The following KCNH8 variants were observed in gnomAD, a reference collection of about 807,000 sequenced individuals.
The protein encoded by KCNH8 is potassium voltage-gated channel subfamily H member 8.
Under a neutral mutation model 103.6 loss-of-function variants are expected in KCNH8, and 70 were observed. That is an observed-to-expected ratio of 0.68 (90% CI 0.56 to 0.82). KCNH8 has a LOEUF of 0.82. Ranked by LOEUF, KCNH8 falls within the 40% of genes least tolerant of loss-of-function variation. The pLI is 0.00. For synonymous variants in KCNH8, 498 were observed against 489.4 expected (o/e 1.02, Z -0.23); for missense variants, 1,217 against 1,329.9 (o/e 0.92, Z 1.32).
intron 1 of KCNH8, among the ~76,000 whole-genome samples, chr3:19,240,336 G>A (rs2064122077): frequency 6.6e-6 from 1 of 152,156 alleles, no homozygotes; most frequent in Non-Finnish European, 1.5e-5. Flanking sequence ...AATTAGGCCA[G>A]GCGCAGTGGC....
chr3:19,340,322 CAT>C lies in KCNH8; in HGVS notation c.443-2263_443-2262del, dbSNP rs1379117574. 1.6e-4 allele frequency among the ~76,000 whole-genome samples: 24 copies of C among 150,126 alleles called. No homozygotes were observed. In the South Asian group the frequency reaches 2.9e-3, roughly 18 times the overall value. ...TTTTTGTATTTTGCAATAATTGTGA[CAT>C]AGATTCAATTTATTTTTTTTATTTT... is the stretch of plus-strand genomic sequence containing the variant. On this transcript the variant is annotated intron_variant, in intron 3 of 15. Transcript: ENST00000328405.
intron 1 of KCNH8, among the ~76,000 whole-genome samples, chr3:19,162,411 G>A (rs1307381422): frequency 1.3e-5 from 2 of 151,152 alleles, no homozygotes; most frequent in Non-Finnish European, 2.9e-5. Context: ...TGTGGCTGAC[G>A]CATGGGAATC....
At chr3:19,382,511 A>G (rs887895762) in intron 5 of KCNH8, among the ~76,000 whole-genome samples, 1 of 152,196 alleles carries the variant, frequency 6.6e-6, no homozygotes, top group Non-Finnish European at 1.5e-5. Context: ...TATTACTTTG[A>G]TGATCATTAT....
intron 15 of KCNH8, 130 bp from the exon 16 acceptor site, chr3:19,533,265 T>A: frequency 2.5e-5 from 15 of 591,810 alleles, no homozygotes; most frequent in South Asian, 7.9e-5. Flanking sequence ...AATGCTAAAA[T>A]GTTTAAGAAT....
At chr3:19,317,125 G>C (rs1253446951) in intron 3 of KCNH8, among the ~76,000 whole-genome samples, 1 of 151,672 alleles carries the variant, frequency 6.6e-6, no homozygotes, top group East Asian at 1.9e-4. Flanking sequence ...TAAGCAAAAG[G>C]GGGTCCCAGA....
At chr3:19,216,636 A>G (rs1219380700) in intron 1 of KCNH8, among the ~76,000 whole-genome samples, 2 of 152,130 alleles carry the variant, frequency 1.3e-5, no homozygotes, top group East Asian at 1.9e-4. Flanking sequence ...TGCCACCTTT[A>G]TTTATGTGAT....
At position 19,348,869 on chromosome 3, in the gene KCNH8, A is replaced by G. The variant is rs569584167; in HGVS notation, c.811+904A>G. Among the ~76,000 whole-genome samples the G allele has an allele frequency of 2.0e-5, 3 of 151,732 alleles. No homozygotes were observed. In the South Asian group the frequency reaches 6.3e-4, roughly 32 times the overall value. ...AATAAATAATTAAGTGAGGCACATC[A>G]AAACCTTGGTTCAATGGTGGTAGTA... On this transcript the variant is annotated intron_variant, in intron 5 of 15. Transcript: ENST00000328405.
intron 15 of KCNH8, among the ~76,000 whole-genome samples, chr3:19,528,991 G>A (rs79019851): frequency 0.019 from 2,940 of 152,164 alleles, 106 homozygotes; most frequent in African/African-American, 0.067. Context: ...AAAGAAGTTT[G>A]AAGGAGAAGA....
chr3:19,349,323 G>A (rs1007629128), intron 5 of KCNH8, among the ~76,000 whole-genome samples: 9 of 151,874 alleles, frequency 5.9e-5, no homozygotes, highest in Non-Finnish European at 4.4e-5. Context: ...CTGTGGTTTT[G>A]TATCCTTTTA....
chr3:19,331,706 A>T (rs2065512505), intron 3 of KCNH8, among the ~76,000 whole-genome samples: 1 of 152,184 alleles, frequency 6.6e-6, no homozygotes. Context: ...TGGAGTATCC[A>T]TCCCCTCAAG....
chr3:19,305,706 A>G (rs946776973), intron 3 of KCNH8, among the ~76,000 whole-genome samples: 3 of 152,166 alleles, frequency 2.0e-5, no homozygotes, highest in Admixed American at 6.6e-5. Context: ...AAAAAAATCC[A>G]GAGAATTGTT....
chr3:19,390,540 G>A lies in KCNH8; in HGVS notation c.871G>A (p.Ala291Thr). The change falls in exon 6 of 16, where the codon GCA (alanine) becomes ACA (threonine). Residue 291 changes from alanine to threonine, a missense_variant. Coordinates refer to ENST00000328405, the MANE Select transcript of KCNH8 (RefSeq NM_144633.3). ...VSKSGQVIFE[A>T]RSICIHYVTT... ...CAAGTCTGGCCAAGTTATCTTTGAA[G>A]CAAGATCAATTTGCATCCACTATGT... is the stretch of plus-strand genomic sequence containing the variant. The A allele has an allele frequency of 6.2e-7, 1 of 1,613,092 alleles. No homozygotes were observed. The highest frequency in any genetic ancestry group is 8.5e-7 in the Non-Finnish European group (1 of 1,179,370).
chr3:19,336,807 G>A (rs2065590674), intron 3 of KCNH8, among the ~76,000 whole-genome samples: 1 of 151,838 alleles, frequency 6.6e-6, no homozygotes, highest in Admixed American at 6.6e-5. Context: ...ATTTAAATGG[G>A]AACAAGTGCT....
chr3:19,331,414 CCAGAGTAGCTGGGCCTA>C (rs1687765219), intron 3 of KCNH8, among the ~76,000 whole-genome samples: 1 of 151,946 alleles, frequency 6.6e-6, no homozygotes, highest in Admixed American at 6.6e-5. Context: ...GCCTCAGCCT[CCAGAGTAGCTGGGCCTA>C]CAGGTGTGTG....
intron 1 of KCNH8, among the ~76,000 whole-genome samples, chr3:19,160,401 T>C (rs1053428980): frequency 2.0e-5 from 3 of 152,092 alleles, no homozygotes; most frequent in Non-Finnish European, 2.9e-5. Context: ...GTAGAGTTCA[T>C]TGAATTTTGC....
chr3:19,462,044 T>C (rs192218479), intron 11 of KCNH8, among the ~76,000 whole-genome samples: 1 of 152,200 alleles, frequency 6.6e-6, no homozygotes, highest in African/African-American at 2.4e-5. Flanking sequence ...TCTATCATTG[T>C]TGGACATTTG....
intron 15 of KCNH8, among the ~76,000 whole-genome samples, chr3:19,525,564 TTG>T (rs1185370493): frequency 6.6e-6 from 1 of 151,838 alleles, no homozygotes; most frequent in Non-Finnish European, 1.5e-5. Context: ...AGTCAAAGGG[TTG>T]ATAAATAATA....
intron 11 of KCNH8, among the ~76,000 whole-genome samples, chr3:19,464,937 A>G (rs901609696): frequency 6.6e-6 from 1 of 152,198 alleles, no homozygotes; most frequent in Non-Finnish European, 1.5e-5. Flanking sequence ...TATCAAGATA[A>G]GTAATTGAGA....
chr3:19,482,122 T>A (rs1356379916), intron 11 of KCNH8, among the ~76,000 whole-genome samples: 1 of 152,148 alleles, frequency 6.6e-6, no homozygotes, highest in African/African-American at 2.4e-5. Context: ...AGTACGTGAC[T>A]GGGGGCTGCA....
Sources: gnomAD v4.1 joint callset for allele counts (sites outside exome capture counted in the v4.1 genomes callset) on GRCh38, gnomAD v4.1.1 for gene constraint, MANE v1.5 for transcripts, NCBI Gene and HGNC (gene_info 2026-07-23, HGNC 2026-07-21) for gene names.